Variants in GYS1 observed in about 807,000 individuals in gnomAD.
The protein encoded by GYS1 is glycogen synthase 1.
Under a neutral mutation model 89.1 loss-of-function variants are expected in GYS1, and 60 were observed. The observed-to-expected ratio is 0.67, with a 90% CI of 0.55 to 0.84. GYS1 has a LOEUF of 0.84. Ranked by LOEUF, GYS1 falls within the 40% of genes least tolerant of loss-of-function variation. GYS1 has a pLI of 0.00. For synonymous variants in GYS1, 366 were observed against 401.7 expected (o/e 0.91, Z 1.06); for missense variants, 888 against 1,003.1 (o/e 0.89, Z 1.55).
rs1421512196 is a variant in GYS1, at chr19:48,969,793, C to T, written c.1872G>A (p.Glu624=). ...SKAFPEHFTY[E]PNEADAAQGY... ...CACTCACCGCATCCGCCTCGTTGGG[C>T]TCGTAGGTGAAGTGCTCTGGAAAGG... Residue 624 remains glutamate, a synonymous_variant, in exon 15 of 16, where the codon GAG becomes GAA. Transcript: ENST00000323798. 1.9e-6 allele frequency: 3 copies of T among 1,613,852 alleles called. No homozygotes were observed. In the East Asian group the frequency reaches 6.7e-5, roughly 36 times the overall value.
At chr19:48,975,481 G>A (rs1242195728) in intron 10 of GYS1, among the ~76,000 whole-genome samples, 1 of 152,092 alleles carries the variant, frequency 6.6e-6, no homozygotes, top group Non-Finnish European at 1.5e-5. Flanking sequence ...CAAGGACTAT[G>A]AGGAGTTGCA....
At position 48,989,972 on chromosome 19, in the gene GYS1, C is replaced by T. The variant is rs369058467; in HGVS notation, c.300+1330G>A. Among the ~76,000 whole-genome samples the T allele has an allele frequency of 7.4e-5, 11 of 148,912 alleles. No homozygotes were observed. In the East Asian group the frequency reaches 2.2e-3, roughly 30 times the overall value. ...GAGCCTCGCTCTGAGGTCCCTCCCC[C>T]TCCCAGCTGTTGTCTGCCCTTTTGC... On this transcript the variant is annotated intron_variant, in intron 2 of 15. Transcript: ENST00000323798.
chr19:48,982,093 A>G (rs537831312), intron 7 of GYS1, among the ~76,000 whole-genome samples, 162 bp downstream of exon 7: 1 of 151,864 alleles, frequency 6.6e-6, no homozygotes, highest in South Asian at 2.1e-4. Flanking sequence ...GGGTTTCACC[A>G]TGTTGCCCAG....
rs777178030 is a variant in GYS1, at chr19:48,979,336, C to CTTTTTTTT, written c.1170-1187_1170-1180dup. ...TTTGTCTCTTTTTCTTTTTTCTTTT[C>CTTTTTTTT]TTTTTTTTTTTTTTTTTTTTTTTTT... On this transcript the variant is annotated intron_variant, in intron 8 of 15. Transcript: ENST00000323798. 6.3e-4 allele frequency among the ~76,000 whole-genome samples: 58 copies of CTTTTTTTT among 92,662 alleles called. 2 individuals carry two copies. Among genetic ancestry groups the CTTTTTTTT allele is most frequent in the African/African-American group, 7.9e-4 (21 of 26,424 alleles). 60.8% of individuals were successfully genotyped at this position (92,662 alleles called of 152,430 possible).
intron 3 of GYS1, among the ~76,000 whole-genome samples, chr19:48,986,287 C>T (rs138170011): frequency 1.1e-3 from 173 of 152,064 alleles, no homozygotes; most frequent in Admixed American, 3.2e-3. Flanking sequence ...ATTTTTTGGC[C>T]AACCATCTAA....
chr19:48,976,280 T>C (rs772755216), intron 10 of GYS1, among the ~76,000 whole-genome samples: 1 of 152,120 alleles, frequency 6.6e-6, no homozygotes, highest in South Asian at 2.1e-4. Flanking sequence ...CCCCAGGAAA[T>C]GGCTCCCCAA....
Position 48,969,597 on chromosome 19 carries a change from G to A in GYS1, c.1905C>T (p.Arg635=). The change falls in exon 16 of 16, where the codon CGC becomes CGT. Residue 635 remains arginine (R), a synonymous_variant. Coordinates refer to ENST00000323798, the MANE Select transcript of GYS1 (RefSeq NM_002103.5). ...PNEADAAQGY[R]YPRPASVPPS... ...GTGGCACCGAGGCTGGCCGTGGGTA[G>A]CGGTACCCCTGGGCCTGCATACGGC... is the stretch of plus-strand genomic sequence containing the variant. 6.5e-7 allele frequency: 1 copy of A among 1,538,786 alleles called. No individual in the cohort carries two copies.
rs564630419 is a variant in GYS1 at position 48,991,702 on chromosome 19, G to C, written c.119-219C>G. 1.3e-5 allele frequency among the ~76,000 whole-genome samples: 2 copies of C among 152,214 alleles called. No homozygotes were observed. Among genetic ancestry groups the C allele is most frequent in the East Asian group, 3.9e-4 (2 of 5,162 alleles). On this transcript the variant is annotated intron_variant, in intron 1 of 15. Transcript: ENST00000323798. This position sits in a 1 kb window ranked among gnomAD's most constrained non-coding sequence, Gnocchi z 4.7. ...GTCCTCCTGGGTCTAAGGGAGAAGG[G>C]GGCTGGGGTCAGGACCCTGAAGGAG...
At chr19:48,985,784 G>GC in intron 4 of GYS1, 66 bp downstream of exon 4, 2 of 1,575,056 alleles carry the variant, frequency 1.3e-6, no homozygotes, top group East Asian at 2.2e-5. Flanking sequence ...ATCCCCTTGG[G>GC]CCCCCCAGAG....
At chr19:48,970,755 T>G in intron 13 of GYS1, 46 bp from the exon 14 acceptor site, 1 of 1,578,570 alleles carries the variant, frequency 6.3e-7, no homozygotes, top group Non-Finnish European at 8.7e-7. Flanking sequence ...TGGGGAGATC[T>G]TCATGGTCTC....
chr19:48,982,108 G>A (rs1411009023), intron 7 of GYS1, 147 bp downstream of exon 7: 1 of 811,068 alleles, frequency 1.2e-6, no homozygotes, highest in African/African-American at 1.7e-5. Flanking sequence ...GCCCAGGCTG[G>A]TCTCCATCTC....
At chr19:48,986,315 T>C (rs541293800) in intron 3 of GYS1, among the ~76,000 whole-genome samples, 19 of 152,010 alleles carry the variant, frequency 1.2e-4, no homozygotes, top group African/African-American at 4.1e-4. Flanking sequence ...CAGGGTTAGA[T>C]TGGACAGACT....
intron 5 of GYS1, 40 bp from the exon 6 acceptor site, chr19:48,982,877 T>C (rs759746877): frequency 2.3e-6 from 3 of 1,285,808 alleles, no homozygotes; most frequent in South Asian, 2.4e-5. Context: ...TATTTGTTCA[T>C]TCAGATCAAT....
chr19:48,970,207 C>T, intron 14 of GYS1: 1 of 454,092 alleles, frequency 2.2e-6, no homozygotes, highest in South Asian at 2.2e-5. Flanking sequence ...TCACTGCAGC[C>T]TCAACCTCCG....
Position 48,978,333 on chromosome 19 carries a change from C to G in GYS1, c.1170-176G>C, listed in dbSNP as rs1253567016. On this transcript the variant is annotated intron_variant, in intron 8 of 15. Coordinates refer to ENST00000323798, the MANE Select transcript of GYS1 (RefSeq NM_002103.5). ...CTCTGCCTCCCAGGTTCAAGCAATT[C>G]TCCTGCCTCAGCCTCCCGAGTAGCT... is the stretch of plus-strand genomic sequence containing the variant. 1.2e-5 allele frequency: 8 copies of G among 647,706 alleles called. No individual in the cohort carries two copies. The East Asian group carries it at 2.4e-4, about 19-fold the overall frequency. The allele number at this position is 647,706 out of a possible 1,614,324, so 40.1% of individuals were successfully genotyped here. A position where few individuals can be genotyped will look rare whatever the true frequency, so the allele number is the denominator to read the frequency against.
chr19:48,976,518 T>C (rs2038654937), intron 10 of GYS1, among the ~76,000 whole-genome samples: 1 of 152,064 alleles, frequency 6.6e-6, no homozygotes, highest in African/African-American at 2.4e-5. Flanking sequence ...TTCCCAGGGG[T>C]GTCTGGGGAC....
intron 7 of GYS1, 150 bp downstream of exon 7, chr19:48,982,105 C>T (rs2038773267): frequency 1.3e-6 from 1 of 790,730 alleles, no homozygotes; most frequent in African/African-American, 1.7e-5. Flanking sequence ...GTTGCCCAGG[C>T]TGGTCTCCAT....
In GYS1 at chr19:48,974,394, G is replaced by A. The variant is rs112941938; in HGVS notation, c.1423-55C>T. The A allele has an allele frequency of 1.0e-3, 1,647 of 1,596,930 alleles. 17 individuals are homozygous for A. The African/African-American group carries it at 0.019, about 18-fold the overall frequency. On this transcript the variant is annotated intron_variant, in intron 11 of 15. Transcript: ENST00000323798. ...AGTGCCTTATTTAGCTAAGCCCTGA[G>A]ATCCCAAGGTGGCCCAGAGAGGGTA...
At chr19:48,973,693 A>G (rs2038600710) in intron 12 of GYS1, among the ~76,000 whole-genome samples, 1 of 151,820 alleles carries the variant, frequency 6.6e-6, no homozygotes, top group Non-Finnish European at 1.5e-5. Context: ...TAATTTTTGT[A>G]TTTTTAGTAG....
Sources: gnomAD v4.1 joint callset for allele counts (sites outside exome capture counted in the v4.1 genomes callset) on GRCh38, gnomAD v4.1.1 for gene constraint, Gnocchi (gnomAD v3.1) non-coding constraint, MANE v1.5 for transcripts, NCBI Gene and HGNC (gene_info 2026-07-23, HGNC 2026-07-21) for gene names.